Variants in CYP39A1 observed in about 807,000 individuals in gnomAD.
The protein encoded by CYP39A1 is 24-hydroxycholesterol 7-alpha-hydroxylase.
In CYP39A1, 49 loss-of-function variants were observed where a neutral mutation model predicts 58.1. The ratio of observed to expected loss-of-function variants is 0.84; its 90% CI spans 0.67 to 1.07. CYP39A1 has a LOEUF of 1.07. Ranked by LOEUF, CYP39A1 falls within the 50% of genes least tolerant of loss-of-function variation. The probability of loss-of-function intolerance (pLI) is 0.00; values close to 1 mark genes in which losing one functional copy is unlikely to be tolerated. For missense variants in CYP39A1, 531 were observed against 539.4 expected (o/e 0.98, Z 0.16); for synonymous variants, 209 against 187.6 (o/e 1.11, Z -0.93).
chr6:46,577,992 A>G (rs1771929531), intron 10 of CYP39A1, among the ~76,000 whole-genome samples: 2 of 152,142 alleles, frequency 1.3e-5, no homozygotes, highest in Admixed American at 6.6e-5. Context: ...TCATATGCAC[A>G]TGGCACATAC....
intron 7 of CYP39A1, among the ~76,000 whole-genome samples, chr6:46,607,464 T>TACACACACACACAC (rs3839568): frequency 2.1e-5 from 3 of 145,512 alleles, no homozygotes; most frequent in African/African-American, 7.5e-5. Flanking sequence ...CCCTTCCCCC[T>TACACACACACACAC]ACACACACAC....
Position 46,587,139 on chromosome 6 carries a change from C to G in CYP39A1, c.1188G>C (p.Glu396Asp). 4 of 1,611,440 alleles carry G rather than the reference C, an allele frequency of 2.5e-6. No homozygotes were observed. The highest frequency in any genetic ancestry group is 3.4e-6 in the Non-Finnish European group (4 of 1,178,854). The change falls in exon 10 of 12, where the codon GAG becomes GAC. Residue 396 changes from glutamate (E) to aspartate (D), a missense_variant. By Grantham distance (45) the Glu-to-Asp change is conservative. Transcript: ENST00000275016. ...KPERWKKANL[E>D]KHSFLDCFMA... ...TGAAGCAGTCCAAGAAAGAGTGCTTCTCTAAATTTGCCTTTTTCCAACGTT... is the reference window on the plus strand; with the variant it reads ...TGAAGCAGTCCAAGAAAGAGTGCTTGTCTAAATTTGCCTTTTTCCAACGTT...
intron 4 of CYP39A1, among the ~76,000 whole-genome samples, chr6:46,637,373 A>C (rs1776055089): frequency 6.6e-6 from 1 of 152,230 alleles, no homozygotes; most frequent in Non-Finnish European, 1.5e-5. Context: ...AAATTTCAAA[A>C]TCATGCAGTT....
chr6:46,625,630 C>T (rs956709362), intron 6 of CYP39A1, 122 bp from the exon 7 acceptor site: 8 of 546,498 alleles, frequency 1.5e-5, no homozygotes, highest in African/African-American at 1.3e-4. Flanking sequence ...CTTAAGAGCA[C>T]ATTAGTAGAA....
chr6:46,642,116 G>A, intron 2 of CYP39A1, 47 bp downstream of exon 2: 2 of 1,600,060 alleles, frequency 1.2e-6, no homozygotes, highest in South Asian at 2.2e-5. Flanking sequence ...ACTACTCCTG[G>A]ATTCCAATGT....
At chr6:46,604,168 G>A (rs549700960) in intron 7 of CYP39A1, among the ~76,000 whole-genome samples, 35 of 151,862 alleles carry the variant, frequency 2.3e-4, no homozygotes, top group Non-Finnish European at 4.6e-4. Context: ...ATACCCAGAG[G>A]GCACATGAGA....
intron 6 of CYP39A1, among the ~76,000 whole-genome samples, chr6:46,628,832 G>C (rs1041091225): frequency 6.6e-6 from 1 of 152,116 alleles, no homozygotes; most frequent in South Asian, 2.1e-4. Flanking sequence ...CAGTATTAAC[G>C]GGCCATTGAA....
chr6:46,573,641 G>A (rs1582314938), intron 10 of CYP39A1, among the ~76,000 whole-genome samples: 1 of 152,278 alleles, frequency 6.6e-6, no homozygotes, highest in Middle Eastern at 3.4e-3. Context: ...TTTTGTGGCA[G>A]TGGTGGTCCC....
intron 7 of CYP39A1, among the ~76,000 whole-genome samples, chr6:46,622,603 G>C (rs916438334): frequency 6.6e-6 from 1 of 151,956 alleles, no homozygotes; most frequent in East Asian, 1.9e-4. Context: ...GTGAGACCCT[G>C]TTGCTAAAAA....
intron 10 of CYP39A1, among the ~76,000 whole-genome samples, chr6:46,568,666 T>C (rs1434086344): frequency 6.6e-6 from 1 of 152,120 alleles, no homozygotes; most frequent in Admixed American, 6.6e-5. Context: ...CATGGAATGG[T>C]CTTAGTATCT....
intron 4 of CYP39A1, 75 bp from the exon 5 acceptor site, chr6:46,636,557 G>C: frequency 1.2e-6 from 1 of 863,224 alleles, no homozygotes; most frequent in Non-Finnish European, 1.8e-6. Context: ...ATAAAAAAGG[G>C]ATGTCTGTGG....
intron 7 of CYP39A1, among the ~76,000 whole-genome samples, chr6:46,609,833 G>C (rs1443541496): frequency 6.6e-6 from 1 of 152,148 alleles, no homozygotes; most frequent in Non-Finnish European, 1.5e-5. Flanking sequence ...ATTTGGGTTT[G>C]TTGTTTCTTA....
chr6:46,651,517 T>G (rs962677046), intron 1 of CYP39A1, among the ~76,000 whole-genome samples: 2 of 152,204 alleles, frequency 1.3e-5, no homozygotes, highest in African/African-American at 4.8e-5. Context: ...ATACACTAAA[T>G]TTTTACAGTA....
At position 46,550,439 on chromosome 6, in the gene CYP39A1, T is replaced by TA; in HGVS notation, c.1339-3dup. 3.7e-6 allele frequency: 6 copies of TA among 1,609,508 alleles called. No homozygotes were observed. The highest frequency in any genetic ancestry group is 5.1e-6 in the Non-Finnish European group (6 of 1,177,644). On this transcript the variant is annotated splice_polypyrimidine_tract_variant and splice_region_variant and intron_variant, in intron 11 of 11. Coordinates refer to ENST00000275016, the MANE Select transcript of CYP39A1 (RefSeq NM_016593.5). ...GACACCCACCAAATGGAGATAACTC[T>TA]AAAAACAGAAATGCAGAAGAAATAG...
At chr6:46,641,628 T>C (rs1776344573) in intron 2 of CYP39A1, among the ~76,000 whole-genome samples, 1 of 152,174 alleles carries the variant, frequency 6.6e-6, no homozygotes, top group Non-Finnish European at 1.5e-5. Flanking sequence ...CAGACAGCCA[T>C]ACTGGAAGCA....
At chr6:46,568,235 T>G (rs992587766) in intron 10 of CYP39A1, among the ~76,000 whole-genome samples, 3 of 152,130 alleles carry the variant, frequency 2.0e-5, no homozygotes, top group African/African-American at 7.2e-5. Flanking sequence ...AGTTCTTTGC[T>G]CATTTCTGAA....
chr6:46,641,742 C>T lies in CYP39A1; in HGVS notation c.313+421G>A, dbSNP rs754403531. ...GCCCTATAAAATTTGTCAGGAAATGCCACTGTAAAGGATTTACTAAGCCAT... is the reference window on the plus strand; with the variant it reads ...GCCCTATAAAATTTGTCAGGAAATGTCACTGTAAAGGATTTACTAAGCCAT... On this transcript the variant is annotated intron_variant, in intron 2 of 11. Transcript: ENST00000275016. 2.0e-5 allele frequency among the ~76,000 whole-genome samples: 3 copies of T among 152,208 alleles called. No homozygotes were observed. The South Asian group carries it at 6.2e-4, about 32-fold the overall frequency.
At chr6:46,606,402 C>G (rs1773846475) in intron 7 of CYP39A1, among the ~76,000 whole-genome samples, 1 of 152,108 alleles carries the variant, frequency 6.6e-6, no homozygotes, top group Non-Finnish European at 1.5e-5. Context: ...GTGTAAAAGA[C>G]CTTTTTTACT....
At chr6:46,579,549 G>C (rs1772010460) in intron 10 of CYP39A1, among the ~76,000 whole-genome samples, 1 of 152,014 alleles carries the variant, frequency 6.6e-6, no homozygotes, top group South Asian at 2.1e-4. Flanking sequence ...CATCCAAATA[G>C]GAAGAGAATA....
Sources: gnomAD v4.1 joint callset for allele counts (sites outside exome capture counted in the v4.1 genomes callset) on GRCh38, gnomAD v4.1.1 for gene constraint, MANE v1.5 for transcripts, NCBI Gene and HGNC (gene_info 2026-07-23, HGNC 2026-07-21) for gene names.